The following CERS6 variants were observed in gnomAD, a reference collection of about 807,000 sequenced individuals.
CERS6 encodes ceramide synthase 6, also known as LAG1 homolog, ceramide synthase 6.
A neutral mutation model predicts 56.8 loss-of-function variants in CERS6; 26 were observed. The ratio of observed to expected loss-of-function variants is 0.46; its 90% CI spans 0.34 to 0.63. The LOEUF (loss-of-function observed/expected upper bound fraction) is 0.63. CERS6 is among the 30% of genes least tolerant of loss of function. The pLI, the probability that CERS6 is intolerant of heterozygous loss-of-function variation, is 0.01. For synonymous variants in CERS6, 164 were observed against 173.3 expected (o/e 0.95, Z 0.42); for missense variants, 415 against 467.5 (o/e 0.89, Z 1.04).
chr2:168,488,195 T>C (rs1417703358), intron 1 of CERS6, among the ~76,000 whole-genome samples: 1 of 152,162 alleles, frequency 6.6e-6, no homozygotes, highest in African/African-American at 2.4e-5. Flanking sequence ...GTTCATAAAG[T>C]GAAGGGATAT....
At chr2:168,605,567 C>T (rs1684033175) in intron 3 of CERS6, among the ~76,000 whole-genome samples, 1 of 152,088 alleles carries the variant, frequency 6.6e-6, no homozygotes, top group African/African-American at 2.4e-5. Flanking sequence ...GGGAGAAGGC[C>T]TCAGAGGCAT....
At chr2:168,613,516 G>T (rs1574100736) in intron 3 of CERS6, among the ~76,000 whole-genome samples, 2 of 152,224 alleles carry the variant, frequency 1.3e-5, no homozygotes, top group Non-Finnish European at 1.5e-5. Context: ...GTCAAATATT[G>T]CAGGATCAAG....
intron 3 of CERS6, chr2:168,583,052 C>G (rs1484682614): frequency 6.6e-6 from 1 of 152,638 alleles, no homozygotes; most frequent in Non-Finnish European, 1.5e-5. Context: ...AATGCATAGA[C>G]AAATGTACAT....
chr2:168,717,814 A>G lies in CERS6; in HGVS notation c.739-58A>G, dbSNP rs565900436. The G allele has an allele frequency of 3.0e-6, 4 of 1,329,244 alleles. No individual in the cohort carries two copies. In the South Asian group the frequency reaches 5.1e-5, roughly 17 times the overall value. The allele number at this position is 1,329,244 out of a possible 1,614,324, so 82.3% of individuals were successfully genotyped here. A position where few individuals can be genotyped will look rare whatever the true frequency, so the allele number is the denominator to read the frequency against. On this transcript the variant is annotated intron_variant, in intron 7 of 9. Transcript: ENST00000305747. ...TTATAGGAGATTCATGCATATTGAA[A>G]GAAACTTTTTATTATCAGTTTAACT...
At chr2:168,498,165 A>G (rs1458939339) in intron 1 of CERS6, among the ~76,000 whole-genome samples, 1 of 152,208 alleles carries the variant, frequency 6.6e-6, no homozygotes, top group African/African-American at 2.4e-5. Flanking sequence ...GTGTTTGCCA[A>G]CATTTAAAAC....
At chr2:168,493,206 A>AT (rs1199774608) in intron 1 of CERS6, among the ~76,000 whole-genome samples, 17 of 151,954 alleles carry the variant, frequency 1.1e-4, no homozygotes, top group African/African-American at 3.6e-4. Context: ...ATGAAAAAAA[A>AT]TTTTTTTTCT....
intron 3 of CERS6, among the ~76,000 whole-genome samples, chr2:168,598,758 A>G (rs1683863961): frequency 6.6e-6 from 1 of 152,136 alleles, no homozygotes; most frequent in Non-Finnish European, 1.5e-5. Flanking sequence ...TTTAATCTTA[A>G]TTTGTTTAAA....
chr2:168,477,185 GAGA>G (rs1694090220), intron 1 of CERS6, among the ~76,000 whole-genome samples: 1 of 125,854 alleles, frequency 7.9e-6, no homozygotes, highest in Non-Finnish European at 1.7e-5. Flanking sequence ...GAGAGAGAGA[GAGA>G]GAGAGAGAGA....
intron 3 of CERS6, among the ~76,000 whole-genome samples, chr2:168,581,892 G>C (rs1348570196): frequency 2.6e-5 from 4 of 151,100 alleles, no homozygotes; most frequent in African/African-American, 9.7e-5. Context: ...GATTCTCTCA[G>C]AGAGTTTATG....
chr2:168,490,119 G>A (rs2105338230), intron 1 of CERS6, among the ~76,000 whole-genome samples: 1 of 149,746 alleles, frequency 6.7e-6, no homozygotes, highest in South Asian at 2.1e-4. Context: ...TGCCTCTCAG[G>A]GGCAGTGGTT....
chr2:168,732,541 T>C (rs1367821361), intron 8 of CERS6, among the ~76,000 whole-genome samples: 2 of 152,248 alleles, frequency 1.3e-5, no homozygotes, highest in Non-Finnish European at 1.5e-5. Context: ...GTAATACTTA[T>C]TTAACTTCTC....
At chr2:168,704,487 G>A (rs1176690557) in intron 6 of CERS6, among the ~76,000 whole-genome samples, 1 of 152,050 alleles carries the variant, frequency 6.6e-6, no homozygotes, top group Non-Finnish European at 1.5e-5. Flanking sequence ...CCCTGAAGTC[G>A]TGAACTCCTT....
At chr2:168,676,098 GAT>G (rs757721910) in intron 4 of CERS6, among the ~76,000 whole-genome samples, 18 of 152,306 alleles carry the variant, frequency 1.2e-4, no homozygotes, top group Non-Finnish European at 2.4e-4. Flanking sequence ...AGTCTGTTGT[GAT>G]GTGTTGTTTT....
intron 3 of CERS6, among the ~76,000 whole-genome samples, chr2:168,605,471 A>G (rs1028140235): frequency 1.3e-5 from 2 of 152,230 alleles, no homozygotes; most frequent in Non-Finnish European, 2.9e-5. Flanking sequence ...TAGAAAAGAA[A>G]AGCCCATATT....
chr2:168,532,064 A>T (rs913365957), intron 1 of CERS6, among the ~76,000 whole-genome samples: 28 of 152,196 alleles, frequency 1.8e-4, no homozygotes, highest in Non-Finnish European at 2.4e-4. Context: ...CTAGGCTCAG[A>T]GTAGGTGCAC....
At chr2:168,659,425 A>C (rs891012513) in intron 4 of CERS6, among the ~76,000 whole-genome samples, 1 of 152,254 alleles carries the variant, frequency 6.6e-6, no homozygotes, top group African/African-American at 2.4e-5. Context: ...TTTATGCATA[A>C]ACAAATATAT....
chr2:168,583,253 A>G (rs1008924121), intron 3 of CERS6, among the ~76,000 whole-genome samples: 2 of 152,182 alleles, frequency 1.3e-5, no homozygotes, highest in African/African-American at 2.4e-5. Flanking sequence ...GACAGGTACA[A>G]ATAAGTAGTG....
At chr2:168,724,898 C>T (rs1174521101) in intron 8 of CERS6, among the ~76,000 whole-genome samples, 1 of 152,254 alleles carries the variant, frequency 6.6e-6, no homozygotes, top group African/African-American at 2.4e-5. Context: ...CGTGTGCCTG[C>T]ACTCCTCAGC....
chr2:168,645,183 A>AGAGAGAGAGT (rs1685165620), intron 4 of CERS6, among the ~76,000 whole-genome samples: 2 of 115,366 alleles, frequency 1.7e-5, no homozygotes, highest in Non-Finnish European at 3.4e-5. Context: ...AGAGAGAGAG[A>AGAGAGAGAGT]GAGAGAGTAA....
Sources: gnomAD v4.1 joint callset for allele counts (sites outside exome capture counted in the v4.1 genomes callset) on GRCh38, gnomAD v4.1.1 for gene constraint, MANE v1.5 for transcripts, NCBI Gene and HGNC (gene_info 2026-07-23, HGNC 2026-07-21) for gene names.